The following TMC1 variants were observed in gnomAD, a reference collection of about 807,000 sequenced individuals.
The protein encoded by TMC1 is transmembrane channel like 1.
Under a neutral mutation model 105.8 loss-of-function variants are expected in TMC1, and 84 were observed. That is an observed-to-expected ratio of 0.79 (90% CI 0.67 to 0.95). TMC1 has a LOEUF of 0.95. TMC1 is among the 40% of genes least tolerant of loss of function. The pLI is 0.00. For synonymous variants in TMC1, 315 were observed against 311.5 expected (o/e 1.01, Z -0.12); for missense variants, 817 against 914.1 (o/e 0.89, Z 1.37).
chr9:72,742,324 G>T (rs1827403148), intron 9 of TMC1, 120 bp from the exon 10 acceptor site: 5 of 788,512 alleles, frequency 6.3e-6, no homozygotes, highest in Non-Finnish European at 8.8e-6. Context: ...CTAGAAAGTA[G>T]TATTTGCTGC....
At chr9:72,809,614 C>T (rs1828660049) in intron 18 of TMC1, among the ~76,000 whole-genome samples, 1 of 152,136 alleles carries the variant, frequency 6.6e-6, no homozygotes, top group Admixed American at 6.5e-5. Context: ...GCAAATTTGG[C>T]CTGCAGGGTA....
chr9:72,721,737 T>C (rs943828296), intron 8 of TMC1, among the ~76,000 whole-genome samples: 3 of 152,202 alleles, frequency 2.0e-5, no homozygotes, highest in Admixed American at 6.5e-5. Flanking sequence ...TTATTATCTA[T>C]GCTGAACATT....
intron 2 of TMC1, among the ~76,000 whole-genome samples, chr9:72,591,987 C>T (rs1044842595): frequency 6.6e-6 from 1 of 152,124 alleles, no homozygotes; most frequent in African/African-American, 2.4e-5. Flanking sequence ...AGAGATCACA[C>T]TTAGCATCTA....
chr9:72,672,863 C>T (rs978071806), intron 5 of TMC1, among the ~76,000 whole-genome samples: 9 of 143,250 alleles, frequency 6.3e-5, no homozygotes, highest in African/African-American at 1.6e-4. Context: ...CACACACACA[C>T]GTGTATATAT....
intron 8 of TMC1, among the ~76,000 whole-genome samples, chr9:72,731,478 T>A (rs1007369153): frequency 2.6e-5 from 4 of 152,200 alleles, no homozygotes; most frequent in Non-Finnish European, 5.9e-5. Flanking sequence ...AAAGGGTATC[T>A]TAGAGAAATG....
At chr9:72,625,200 T>C (rs1265686213) in intron 3 of TMC1, among the ~76,000 whole-genome samples, 1 of 152,188 alleles carries the variant, frequency 6.6e-6, no homozygotes, top group Admixed American at 6.5e-5. Flanking sequence ...AGACACTTGC[T>C]CTGGGAGCTA....
intron 8 of TMC1, among the ~76,000 whole-genome samples, chr9:72,728,440 C>T (rs1290938639): frequency 1.3e-5 from 2 of 152,184 alleles, no homozygotes; most frequent in Non-Finnish European, 2.9e-5. Flanking sequence ...ATATATTTAT[C>T]TCCTGCTTTT....
intron 12 of TMC1, among the ~76,000 whole-genome samples, chr9:72,764,114 C>T (rs1168087197): frequency 6.6e-6 from 1 of 152,190 alleles, no homozygotes; most frequent in East Asian, 1.9e-4. Flanking sequence ...TCTAATACAT[C>T]TGTGGTGACA....
chr9:72,795,862 T>TAA (rs55685504), intron 17 of TMC1, among the ~76,000 whole-genome samples: 8 of 150,170 alleles, frequency 5.3e-5, no homozygotes, highest in African/African-American at 2.0e-4. Flanking sequence ...CAAGCTGTAT[T>TAA]AAAAAAAAAG....
chr9:72,646,940 G>A (rs890030479), intron 4 of TMC1, among the ~76,000 whole-genome samples: 3 of 151,854 alleles, frequency 2.0e-5, no homozygotes, highest in Admixed American at 6.6e-5. Context: ...TCAGGAGTTC[G>A]AGACCAACCT....
intron 6 of TMC1, 51 bp from the exon 7 acceptor site, chr9:72,694,492 T>G: frequency 6.5e-7 from 1 of 1,545,398 alleles, no homozygotes; most frequent in Non-Finnish European, 8.9e-7. Flanking sequence ...AGCTTGGTAG[T>G]GGGAGGAAGC....
intron 12 of TMC1, among the ~76,000 whole-genome samples, chr9:72,770,974 T>G (rs1177355644): frequency 1.3e-5 from 2 of 152,216 alleles, no homozygotes; most frequent in African/African-American, 4.8e-5. Context: ...TAACTGCTCA[T>G]CTTATCCAGG....
intron 7 of TMC1, among the ~76,000 whole-genome samples, chr9:72,697,870 C>T (rs1012593482): frequency 6.6e-6 from 1 of 151,822 alleles, no homozygotes; most frequent in African/African-American, 2.4e-5. Context: ...TAATTTCTTG[C>T]CATCTGTTTT....
At chr9:72,555,426 ACCCT>A (rs1823913669) in intron 1 of TMC1, among the ~76,000 whole-genome samples, 1 of 151,340 alleles carries the variant, frequency 6.6e-6, no homozygotes, top group Non-Finnish European at 1.5e-5. Context: ...TGACCTCGTG[ACCCT>A]CCCTCCTTGG....
intron 18 of TMC1, among the ~76,000 whole-genome samples, chr9:72,807,356 T>C (rs1056203934): frequency 6.6e-6 from 1 of 152,184 alleles, no homozygotes; most frequent in East Asian, 1.9e-4. Flanking sequence ...AAAGGCATCA[T>C]AGAGTTTAGT....
chr9:72,682,412 T>C (rs192604944), intron 5 of TMC1, among the ~76,000 whole-genome samples: 126 of 152,348 alleles, frequency 8.3e-4, no homozygotes, highest in African/African-American at 2.9e-3. Flanking sequence ...TACAGGTTTA[T>C]TAAGGTATTT....
intron 5 of TMC1, among the ~76,000 whole-genome samples, chr9:72,673,016 A>G (rs1826147834): frequency 1.3e-5 from 2 of 152,232 alleles, no homozygotes; most frequent in African/African-American, 2.4e-5. Context: ...TACAAAGTAT[A>G]TTCTGTAACT....
chr9:72,643,961 T>G (rs1407334340), intron 4 of TMC1, among the ~76,000 whole-genome samples: 1 of 152,184 alleles, frequency 6.6e-6, no homozygotes, highest in Non-Finnish European at 1.5e-5. Context: ...CTTGCAATTT[T>G]AGCCATTTTA....
intron 8 of TMC1, among the ~76,000 whole-genome samples, chr9:72,727,776 A>G (rs1454403332): frequency 6.6e-6 from 1 of 152,086 alleles, no homozygotes; most frequent in Non-Finnish European, 1.5e-5. Flanking sequence ...TGCCTTAGTG[A>G]TATGGCCTGG....
Sources: allele counts gnomAD v4.1 joint callset (sites outside exome capture counted in the v4.1 genomes callset), GRCh38; gene constraint gnomAD v4.1.1; transcripts MANE v1.5; gene names NCBI Gene and HGNC (gene_info 2026-07-23, HGNC 2026-07-21).